Variants in MTUS2 observed in about 807,000 individuals in gnomAD.
The protein encoded by MTUS2 is microtubule-associated tumor suppressor candidate 2.
In MTUS2, 40 loss-of-function variants were observed where a neutral mutation model predicts 114.1. That is an observed-to-expected ratio of 0.35 (90% CI 0.27 to 0.46). The LOEUF (loss-of-function observed/expected upper bound fraction) is 0.46, where lower values mean the gene tolerates loss of function less well. Among genes scored for constraint, MTUS2 ranks in the 20% least tolerant of loss-of-function variants. The pLI, the probability that MTUS2 is intolerant of heterozygous loss-of-function variation, is 1.00. For missense variants in MTUS2, 1,679 were observed against 1,705.4 expected, an observed-to-expected ratio of 0.98 and a Z score of 0.27; for synonymous variants, 688 against 672.0, an observed-to-expected ratio of 1.02 and a Z score of -0.37.
intron 8 of MTUS2, among the ~76,000 whole-genome samples, chr13:29,383,454 A>T (rs1872396839): frequency 6.6e-6 from 1 of 152,144 alleles, no homozygotes; most frequent in Non-Finnish European, 1.5e-5. Context: ...AGAGAGAATA[A>T]ACACTGTGCC....
chr13:29,316,141 C>T (rs1032281113), intron 6 of MTUS2, among the ~76,000 whole-genome samples: 2 of 152,120 alleles, frequency 1.3e-5, no homozygotes, highest in African/African-American at 2.4e-5. Flanking sequence ...CCAGCAAGAA[C>T]CTTGGAACCT....
chr13:29,074,496 G>A (rs1214908858), intron 4 of MTUS2, among the ~76,000 whole-genome samples: 4 of 152,288 alleles, frequency 2.6e-5, no homozygotes, highest in Admixed American at 1.3e-4. Flanking sequence ...GTCATGGCAC[G>A]CGGTGTACAT....
intron 5 of MTUS2, among the ~76,000 whole-genome samples, chr13:29,264,984 T>G (rs1354903387): frequency 6.6e-6 from 1 of 152,242 alleles, no homozygotes; most frequent in African/African-American, 2.4e-5. Flanking sequence ...GAATTCCTCT[T>G]TACTTTTTCT....
chr13:28,927,488 T>C (rs1881386671), intron 2 of MTUS2, among the ~76,000 whole-genome samples: 1 of 152,062 alleles, frequency 6.6e-6, no homozygotes, highest in Admixed American at 6.5e-5. Context: ...ATGTCTTGAG[T>C]CCAGGAGTTG....
Position 29,394,295 on chromosome 13 carries a change from A to G in MTUS2, c.3117+34822A>G, listed in dbSNP as rs3121752. On this transcript the variant is annotated intron_variant, in intron 8 of 15. Transcript: ENST00000612955. ...AAAAGTTACAGGCAGACATCCATCA[A>G]TACCTGTAAGGTGTACAGGTAATCA... 4.8e-3 allele frequency among the ~76,000 whole-genome samples: 737 copies of G among 152,270 alleles called. 6 individuals are homozygous for G. The highest frequency in any genetic ancestry group is 0.017 in the African/African-American group (696 of 41,552).
chr13:28,904,989 C>G (rs151294778), intron 2 of MTUS2, among the ~76,000 whole-genome samples: 1 of 150,900 alleles, frequency 6.6e-6, no homozygotes, highest in African/African-American at 2.5e-5. Context: ...AAGTTGGATT[C>G]GTAGGTATTT....
chr13:28,831,846 T>C (rs1407179228), intron 1 of MTUS2, among the ~76,000 whole-genome samples: 1 of 152,076 alleles, frequency 6.6e-6, no homozygotes, highest in Non-Finnish European at 1.5e-5. Context: ...AACCTCCGCC[T>C]CCTGAGTTCA....
At chr13:29,347,117 T>C (rs1868774831) in intron 7 of MTUS2, among the ~76,000 whole-genome samples, 1 of 152,102 alleles carries the variant, frequency 6.6e-6, no homozygotes, top group African/African-American at 2.4e-5. Flanking sequence ...GAGTTCACAG[T>C]GTGTCTCCAC....
At chr13:29,136,474 T>C (rs1283999457) in intron 5 of MTUS2, among the ~76,000 whole-genome samples, 1 of 152,108 alleles carries the variant, frequency 6.6e-6, no homozygotes, top group African/African-American at 2.4e-5. Context: ...CATCAGGAGG[T>C]TGGGACTTTC....
At position 29,343,351 on chromosome 13, in the gene MTUS2, G is replaced by A. The variant is rs571676288; in HGVS notation, c.2906-15911G>A. Among the ~76,000 whole-genome samples the A allele has an allele frequency of 3.9e-5, 6 of 151,984 alleles. No homozygotes were observed. In the East Asian group the frequency reaches 1.2e-3, roughly 30 times the overall value. Reference sequence around the variant, plus strand: ...CTTGCTGCTTATTACTGGTCTGTTTGGAGTTATAATTTCTTCCTGGTTTAA... The same window carrying A: ...CTTGCTGCTTATTACTGGTCTGTTTAGAGTTATAATTTCTTCCTGGTTTAA... On this transcript the variant is annotated intron_variant, in intron 7 of 15. Transcript: ENST00000612955.
At chr13:29,345,960 T>C (rs890895356) in intron 7 of MTUS2, among the ~76,000 whole-genome samples, 2 of 152,216 alleles carry the variant, frequency 1.3e-5, no homozygotes, top group Non-Finnish European at 2.9e-5. Flanking sequence ...GCTACCAGGC[T>C]CCAGGCTGGT....
At chr13:29,340,738 T>C (rs760464878) in intron 7 of MTUS2, among the ~76,000 whole-genome samples, 6 of 152,234 alleles carry the variant, frequency 3.9e-5, no homozygotes, top group Non-Finnish European at 8.8e-5. Flanking sequence ...GAGGTCTTGG[T>C]GCACCCATTA....
At chr13:29,272,023 G>A (rs541632283) in intron 5 of MTUS2, among the ~76,000 whole-genome samples, 20 of 152,102 alleles carry the variant, frequency 1.3e-4, no homozygotes, top group African/African-American at 4.8e-4. Flanking sequence ...TTTCTCTGTG[G>A]TATCTCAACT....
chr13:28,939,460 C>T (rs763323446), intron 2 of MTUS2, among the ~76,000 whole-genome samples: 1 of 152,008 alleles, frequency 6.6e-6, no homozygotes, highest in Non-Finnish European at 1.5e-5. Flanking sequence ...TTGCTTTTTG[C>T]AATACTAATT....
At chr13:29,500,734 CT>C (rs1246214903) in intron 14 of MTUS2, among the ~76,000 whole-genome samples, 1 of 151,756 alleles carries the variant, frequency 6.6e-6, no homozygotes, top group African/African-American at 2.4e-5. Context: ...CATGGCTTAT[CT>C]CTGACAATGG....
intron 2 of MTUS2, among the ~76,000 whole-genome samples, chr13:28,876,758 C>T (rs139742014): frequency 6.6e-6 from 1 of 152,226 alleles, no homozygotes; most frequent in Non-Finnish European, 1.5e-5. Flanking sequence ...TGAACAGAAT[C>T]AGGGTTTCAT....
At chr13:28,945,518 A>G (rs957016576) in intron 2 of MTUS2, among the ~76,000 whole-genome samples, 5 of 152,136 alleles carry the variant, frequency 3.3e-5, no homozygotes, top group Admixed American at 6.5e-5. Context: ...TTTTAATAAC[A>G]TCTGACTGGT....
At chr13:29,195,218 A>G (rs113930697) in intron 5 of MTUS2, among the ~76,000 whole-genome samples, 2 of 148,618 alleles carry the variant, frequency 1.3e-5, no homozygotes, top group Non-Finnish European at 3.0e-5. Context: ...CATTGTGCAC[A>G]TGTACCCTAA....
chr13:29,253,629 T>A (rs573781284), intron 5 of MTUS2, among the ~76,000 whole-genome samples: 1 of 152,096 alleles, frequency 6.6e-6, no homozygotes, highest in Non-Finnish European at 1.5e-5. Context: ...ATAGACAGAA[T>A]TCCTGGAGGG....
Sources: gnomAD v4.1 joint callset for allele counts (sites outside exome capture counted in the v4.1 genomes callset) on GRCh38, gnomAD v4.1.1 for gene constraint, MANE v1.5 for transcripts, NCBI Gene and HGNC (gene_info 2026-07-23, HGNC 2026-07-21) for gene names.